Variants in RHPN1 observed in about 807,000 individuals in gnomAD.
RHPN1 encodes the protein rhophilin-1.
A neutral mutation model predicts 74.7 loss-of-function variants in RHPN1; 77 were observed. The ratio of observed to expected loss-of-function variants is 1.03; its 90% confidence interval spans 0.86 to 1.25. The LOEUF is 1.25. Ranked by LOEUF, RHPN1 falls within the 50% of genes most tolerant of loss-of-function variation. The pLI, the probability that RHPN1 is intolerant of heterozygous loss-of-function variation, is 0.00. For synonymous variants in RHPN1, 444 were observed against 414.5 expected, an observed-to-expected ratio of 1.07 and a Z score of -0.87; for missense variants, 987 against 932.2, an observed-to-expected ratio of 1.06 and a Z score of -0.77.
Position 143,382,781 on chromosome 8 carries a change from C to A in RHPN1, c.*130C>A. 1 of 761,882 alleles carries A rather than the reference C, an allele frequency of 1.3e-6. No individual in the cohort carries two copies. The highest frequency in any genetic ancestry group is 2.1e-6 in the Non-Finnish European group (1 of 475,536). 47.2% of individuals were successfully genotyped at this position (761,882 alleles called of 1,614,324 possible). The stretch of plus-strand genomic sequence containing the variant: ...TGCTGGAGGCTGCCTCGGGCACCTG[C>A]CTGCCCATTAAAGACTGGTCAGACC... On this transcript the variant is annotated 3_prime_UTR_variant, in exon 15 of 15. Coordinates refer to ENST00000289013, the MANE Select transcript of RHPN1 (RefSeq NM_052924.3).
In RHPN1 at chr8:143,378,986, T is replaced by C. The variant is rs1357188037; in HGVS notation, c.659T>C (p.Ile220Thr). 1.3e-6 allele frequency: 2 copies of C among 1,556,800 alleles called. No homozygotes were observed. The highest frequency in any genetic ancestry group is 4.9e-5 in the East Asian group (2 of 41,158). Residue 220 changes from isoleucine to threonine, a missense_variant, in exon 7 of 15, where the codon ATC (isoleucine) becomes ACC (threonine). Transcript: ENST00000289013. ...GAGAAGGGCAGCGTTCTCTTCAACA[T>C]CGGTGCCCTCCACACGCAGATTGGG... ...AFEKGSVLFNIGALHTQIGAR... is the reference protein window; with the variant it reads ...AFEKGSVLFNTGALHTQIGAR...
At chr8:143,381,184 C>A (rs1318794533) in intron 11 of RHPN1, 84 bp from the exon 12 acceptor site, 2 of 1,194,302 alleles carry the variant, frequency 1.7e-6, no homozygotes, top group African/African-American at 3.0e-5. Flanking sequence ...TGTGTGCACT[C>A]AGGGTCATGC....
rs543161078 is a variant in RHPN1 at position 143,379,937 on chromosome 8, C to G, written c.1054C>G (p.Arg352Gly). The part of the protein sequence containing the change: ...ALVHVKAEYF[R>G]SLAHYHVAMA... Reference sequence around the variant, plus strand: ...GGTGCATGTCAAGGCCGAGTACTTCCGCTCCCTGGCCCACTACCACGTAGC... The same window carrying G: ...GGTGCATGTCAAGGCCGAGTACTTCGGCTCCCTGGCCCACTACCACGTAGC... The change falls in exon 9 of 15, where the codon CGC (arginine) becomes GGC (glycine). Residue 352 changes from arginine to glycine, a missense_variant. Coordinates refer to ENST00000289013, the MANE Select transcript of RHPN1 (RefSeq NM_052924.3). 3.2e-6 allele frequency: 5 copies of G among 1,586,492 alleles called. No individual in the cohort carries two copies. The highest frequency in any genetic ancestry group is 3.4e-6 in the Non-Finnish European group (4 of 1,167,468).
Position 143,382,765 on chromosome 8 carries a change from C to G in RHPN1, c.*114C>G. On this transcript the variant is annotated 3_prime_UTR_variant, in exon 15 of 15. Transcript: ENST00000289013. ...TGCCTGTCCCGCCTCATGCTGGAGG[C>G]TGCCTCGGGCACCTGCCTGCCCATT... is the stretch of plus-strand genomic sequence containing the variant. 2.2e-6 allele frequency: 2 copies of G among 893,002 alleles called. No individual in the cohort carries two copies. The highest frequency in any genetic ancestry group is 1.7e-5 in the South Asian group (1 of 59,594). 55.3% of individuals were successfully genotyped at this position (893,002 alleles called of 1,614,324 possible).
At chr8:143,374,025 A>T in intron 1 of RHPN1, 6 of 685,148 alleles carry the variant, frequency 8.8e-6, no homozygotes, top group Non-Finnish European at 1.1e-5. Context: ...GGGGGGCTGG[A>T]CGAGCAGGCC....
chr8:143,370,198 G>A (rs184091994), intron 1 of RHPN1, among the ~76,000 whole-genome samples: 2 of 152,282 alleles, frequency 1.3e-5, no homozygotes, highest in South Asian at 2.1e-4. Context: ...CAGGCTGGGG[G>A]CTGTGCCTGG....
Position 143,381,882 on chromosome 8 carries a change from G to A in RHPN1, c.1711G>A (p.Val571Met). Residue 571 changes from valine to methionine, a missense_variant, in exon 14 of 15, where the codon GTG becomes ATG. Val to Met is a conservative substitution (Grantham distance 21, BLOSUM62 1). Transcript: ENST00000289013. The stretch of plus-strand genomic sequence containing the variant: ...ATGCAGGTGGTGGAGACACGCGGAG[G>A]TGGTGACGGAGCTGAAGGCTGCGGG... The part of the protein sequence containing the change: ...QPCRWWRHAE[V>M]VTELKAAGEA... 1 of 1,613,048 alleles carries A rather than the reference G, an allele frequency of 6.2e-7. No homozygotes were observed. Among genetic ancestry groups the A allele is most frequent in the East Asian group, 2.2e-5 (1 of 44,876 alleles).
chr8:143,377,339 G>T, intron 3 of RHPN1, 41 bp from the exon 4 acceptor site: 1 of 1,556,964 alleles, frequency 6.4e-7, no homozygotes, highest in Middle Eastern at 1.7e-4. Context: ...TGGGCAGCAG[G>T]GTTTGGCCTT....
At chr8:143,371,936 C>T (rs1414396575) in intron 1 of RHPN1, among the ~76,000 whole-genome samples, 2 of 152,212 alleles carry the variant, frequency 1.3e-5, no homozygotes, top group Non-Finnish European at 2.9e-5. Flanking sequence ...GCATGGGCCG[C>T]CCACCTCCAA....
In RHPN1 at chr8:143,376,655, T is replaced by C. The variant is rs761593361; in HGVS notation, c.305+2T>C. On this transcript the variant is annotated splice_donor_variant, in intron 3 of 14. Transcript: ENST00000289013. LOFTEE classifies it high-confidence loss of function. Reference sequence around the variant, plus strand: ...CGTGGACCCTGGCCGGCATGGGAGGTGCGGGTGGGGGCCGGGACAGCACGT... The same window carrying C: ...CGTGGACCCTGGCCGGCATGGGAGGCGCGGGTGGGGGCCGGGACAGCACGT... 2 of 1,561,038 alleles carry C rather than the reference T, an allele frequency of 1.3e-6. No homozygotes were observed. Among genetic ancestry groups the C allele is most frequent in the South Asian group, 2.3e-5 (2 of 85,340 alleles).
At position 143,380,079 on chromosome 8, in the gene RHPN1, C is replaced by T. The variant is rs781469106; in HGVS notation, c.1120C>T (p.Leu374Phe). 6 of 1,550,582 alleles carry T rather than the reference C, an allele frequency of 3.9e-6. No individual in the cohort carries two copies. In the Admixed American group the frequency reaches 9.7e-5, roughly 25 times the overall value. ...CDGSPATEGE[L>F]PTHEQVFLQP... ...TCCCCCAGCAGCGACCGAGGGAGAG[C>T]TCCCCACGCACGAGCAGGTCTTCCT... Residue 374 changes from leucine (L) to phenylalanine (F), a missense_variant, in exon 10 of 15, where the codon CTC (leucine) becomes TTC (phenylalanine). Physicochemically the swap from Leu to Phe is conservative, Grantham distance 22. Transcript: ENST00000289013.
intron 1 of RHPN1, among the ~76,000 whole-genome samples, chr8:143,371,595 C>T (rs928788506): frequency 6.6e-6 from 1 of 152,178 alleles, no homozygotes; most frequent in African/African-American, 2.4e-5. Context: ...TGGCCAGGGC[C>T]ACACTGTTTC....
chr8:143,368,975 A>C lies in RHPN1; in HGVS notation c.-13A>C, dbSNP rs1028882766. ...GCTGACCCCGAGGGACCCCCAGCGCAGCGGGTGCGGCGATGATCCTGGAGG... is the reference window on the plus strand; with the variant it reads ...GCTGACCCCGAGGGACCCCCAGCGCCGCGGGTGCGGCGATGATCCTGGAGG... On this transcript the variant is annotated 5_prime_UTR_variant, in exon 1 of 15. Transcript: ENST00000289013. 6.8e-7 allele frequency: 1 copy of C among 1,473,176 alleles called. No individual in the cohort carries two copies. Among genetic ancestry groups the C allele is most frequent in the African/African-American group, 1.5e-5 (1 of 67,614 alleles). 91.3% of individuals were successfully genotyped at this position (1,473,176 alleles called of 1,614,324 possible). A position where few individuals can be genotyped will look rare whatever the true frequency, so the allele number is the denominator to read the frequency against.
At position 143,379,421 on chromosome 8, in the gene RHPN1, ATG is replaced by A. The variant is rs1818538543; in HGVS notation, c.864_865del (p.Phe289Ter). 6.3e-7 allele frequency: 1 copy of A among 1,583,898 alleles called. No homozygotes were observed. The highest frequency in any genetic ancestry group is 8.6e-7 in the Non-Finnish European group (1 of 1,165,528). ...EQLMMAQAQE[C>X]VFEGLSPPAS... ...AGCTCATGATGGCCCAGGCCCAGGA[ATG>A]TGTGTTTGAGGGCCTCTCACCACCT... On this transcript the variant is annotated frameshift_variant, in exon 8 of 15. Coordinates refer to ENST00000289013, the MANE Select transcript of RHPN1 (RefSeq NM_052924.3). LOFTEE classifies it high-confidence loss of function.
At position 143,382,581 on chromosome 8, in the gene RHPN1, G is replaced by C; in HGVS notation, c.1943G>C (p.Gly648Ala). 6.2e-7 allele frequency: 1 copy of C among 1,611,350 alleles called. No individual in the cohort carries two copies. The highest frequency in any genetic ancestry group is 1.1e-5 in the South Asian group (1 of 91,006). Residue 648 changes from glycine to alanine, a missense_variant, in exon 15 of 15, where the codon GGC (glycine) becomes GCC (alanine). Gly to Ala is a moderately conservative substitution (Grantham distance 60). Transcript: ENST00000289013. ...SRKAQQGKTG[G>A]CPQPCAPVKP... ...AAGGCCCAGCAGGGCAAGACTGGAG[G>C]CTGCCCCCAGCCCTGTGCCCCAGTG...
chr8:143,367,730 G>C (rs1176783353), upstream of RHPN1: 1 of 152,296 alleles, frequency 6.6e-6, no homozygotes, highest in African/African-American at 2.4e-5. Flanking sequence ...CGCTGGGCCT[G>C]TGGTGGGGCA....
At position 143,380,045 on chromosome 8, in the gene RHPN1, G is replaced by T. The variant is rs375619011; in HGVS notation, c.1103-17G>T. 3 of 1,546,228 alleles carry T rather than the reference G, an allele frequency of 1.9e-6. No individual in the cohort carries two copies. The highest frequency in any genetic ancestry group is 2.7e-5 in the African/African-American group (2 of 73,084). ...AAGGCCCCCCCGCGCAGGGCTCACA[G>T]CCTCTCTGTCCCCCAGCAGCGACCG... is the stretch of plus-strand genomic sequence containing the variant. On this transcript the variant is annotated splice_polypyrimidine_tract_variant and intron_variant, in intron 9 of 14. Coordinates refer to ENST00000289013, the MANE Select transcript of RHPN1 (RefSeq NM_052924.3).
chr8:143,380,240 C>T (rs1818621761), intron 10 of RHPN1, 65 bp downstream of exon 10: 1 of 1,120,864 alleles, frequency 8.9e-7, no homozygotes, highest in Admixed American at 2.6e-5. Context: ...AGGGTGTCCC[C>T]CACCACCCTC....
chr8:143,376,765 TGTGTGTGTGC>T, intron 3 of RHPN1, 112 bp downstream of exon 3: 1 of 1,246,568 alleles, frequency 8.0e-7, no homozygotes, highest in Non-Finnish European at 1.1e-6. Flanking sequence ...GTGCATTGTC[TGTGTGTGTGC>T]GTGTGTGCAT....
Sources: gnomAD v4.1 joint callset for allele counts (sites outside exome capture counted in the v4.1 genomes callset) on GRCh38, gnomAD v4.1.1 for gene constraint, MANE v1.5 for transcripts, NCBI Gene and HGNC (gene_info 2026-07-23, HGNC 2026-07-21) for gene names.